XYLT2: variants seen among roughly 807,000 people sequenced by gnomAD.
XYLT2 encodes the protein UDP-D-xylose:proteoglycan core protein beta-D-xylosyltransferase.
In XYLT2, 37 loss-of-function variants were observed where a neutral mutation model predicts 82.6. That is an observed-to-expected ratio of 0.45 (90% confidence interval 0.34 to 0.59). The LOEUF (loss-of-function observed/expected upper bound fraction) is 0.59, where lower values mean the gene tolerates loss of function less well. XYLT2 is among the 20% of genes least tolerant of loss of function. The pLI, the probability that XYLT2 is intolerant of heterozygous loss-of-function variation, is 0.01. For synonymous variants in XYLT2, 474 were observed against 499.0 expected, an observed-to-expected ratio of 0.95 and a Z score of 0.67; for missense variants, 934 against 1,181.3, an observed-to-expected ratio of 0.79 and a Z score of 3.07.
In XYLT2 at chr17:50,361,148, T is replaced by G; in HGVS notation, c.*857T>G. ...AACAGAAGAAATATATCTCTATCTC[T>G]CTACTCTGGGCTCTGTGTTTTTCCT... is the stretch of plus-strand genomic sequence containing the variant. On this transcript the variant is annotated 3_prime_UTR_variant, in exon 11 of 11. Coordinates refer to ENST00000017003, the MANE Select transcript of XYLT2 (RefSeq NM_022167.4). 1.0e-6 allele frequency: 1 copy of G among 985,748 alleles called. No individual in the cohort carries two copies. Among genetic ancestry groups the G allele is most frequent in the Non-Finnish European group, 1.2e-6 (1 of 829,798 alleles). The allele number at this position is 985,748 out of a possible 1,614,324, so 61.1% of individuals were successfully genotyped here. A position where few individuals can be genotyped will look rare whatever the true frequency, so the allele number is the denominator to read the frequency against.
chr17:50,359,886 G>A (rs1054524669), intron 10 of XYLT2, 83 bp from the exon 11 acceptor site: 1 of 1,262,410 alleles, frequency 7.9e-7, no homozygotes, highest in African/African-American at 1.5e-5. Flanking sequence ...ACAGGAACTG[G>A]GGTACCCAGA....
At chr17:50,357,365 G>A in intron 9 of XYLT2, 113 bp downstream of exon 9, 1 of 1,138,880 alleles carries the variant, frequency 8.8e-7, no homozygotes, top group Non-Finnish European at 1.2e-6. Flanking sequence ...AGTCATGGCA[G>A]CCATGGTGAT....
chr17:50,357,090 C>T lies in XYLT2; in HGVS notation c.1779C>T (p.His593=), dbSNP rs754014144. ...FEPRGLPSSV[H]LYFYDDHFQG... ...CCAGGGGCTTGCCGTCCAGCGTGCA[C>T]CTGTATTTCTATGACGACCATTTCC... is the stretch of plus-strand genomic sequence containing the variant. The change falls in exon 9 of 11, where the codon CAC becomes CAT. Residue 593 remains histidine, a synonymous_variant. Coordinates refer to ENST00000017003, the MANE Select transcript of XYLT2 (RefSeq NM_022167.4). 6.2e-7 allele frequency: 1 copy of T among 1,613,172 alleles called. No individual in the cohort carries two copies. Among genetic ancestry groups the T allele is most frequent in the South Asian group, 1.1e-5 (1 of 90,944 alleles).
rs777713394 is a variant in XYLT2, at chr17:50,358,385, C to A, written c.2120C>A (p.Thr707Lys). ...VATSYDITVD[T>K]ETEVTQYKPP... is the part of the protein sequence containing the mutation. ...ACATCTTATGACATCACAGTAGATA[C>A]GGAGACTGAGGTCACGCAATACAAG... Residue 707 changes from threonine to lysine, a missense_variant, in exon 10 of 11, where the codon ACG becomes AAG. Transcript: ENST00000017003. 1.2e-6 allele frequency: 2 copies of A among 1,614,104 alleles called. No homozygotes were observed. Among genetic ancestry groups the A allele is most frequent in the Admixed American group, 1.7e-5 (1 of 60,026 alleles).
intron 1 of XYLT2, among the ~76,000 whole-genome samples, chr17:50,347,925 C>G (rs940135800): frequency 9.9e-5 from 15 of 152,228 alleles, no homozygotes; most frequent in African/African-American, 3.6e-4. Flanking sequence ...CCTCCCTTAT[C>G]CTTATCAGTA....
chr17:50,347,922 T>C (rs1912106458), intron 1 of XYLT2, among the ~76,000 whole-genome samples: 1 of 152,218 alleles, frequency 6.6e-6, no homozygotes, highest in African/African-American at 2.4e-5. Context: ...CCTCCTCCCT[T>C]ATCCTTATCA....
Position 50,346,809 on chromosome 17 carries a change from A to G in XYLT2, c.135+534A>G. ...CCTGGGACAAAGTGTGTACCCGGGA[A>G]CTGAAGGAACAGGGAGTGACGCCGA... is the stretch of plus-strand genomic sequence containing the variant. On this transcript the variant is annotated intron_variant, in intron 1 of 10. Coordinates refer to ENST00000017003, the MANE Select transcript of XYLT2 (RefSeq NM_022167.4). The surrounding 1 kb of genome is among the most constrained non-coding windows in gnomAD (Gnocchi z 5.1). 3 of 985,352 alleles carry G rather than the reference A, an allele frequency of 3.0e-6. No homozygotes were observed. Among genetic ancestry groups the G allele is most frequent in the Non-Finnish European group, 3.6e-6 (3 of 829,910 alleles). The allele number at this position is 985,352 out of a possible 1,614,324, so 61.0% of individuals were successfully genotyped here. A position where few individuals can be genotyped will look rare whatever the true frequency, so the allele number is the denominator to read the frequency against.
chr17:50,358,545 G>A lies in XYLT2; in HGVS notation c.2275+5G>A, dbSNP rs1207628714. ...GCAAACTACCTCTCAGGAAAGGTAA[G>A]CGTGCAGTTCTCAAATGAGGCCCAG... On this transcript the variant is annotated splice_donor_5th_base_variant and intron_variant, in intron 10 of 10. Coordinates refer to ENST00000017003, the MANE Select transcript of XYLT2 (RefSeq NM_022167.4). The A allele has an allele frequency of 6.2e-7, 1 of 1,608,334 alleles. No homozygotes were observed.
At chr17:50,359,896 A>T in intron 10 of XYLT2, 73 bp from the exon 11 acceptor site, 1 of 1,380,606 alleles carries the variant, frequency 7.2e-7, no homozygotes, top group East Asian at 2.5e-5. Context: ...GGGTACCCAG[A>T]CCCAACTCCT....
chr17:50,353,922 A>T lies in XYLT2; in HGVS notation c.428A>T (p.Asp143Val). 1 of 1,608,460 alleles carries T rather than the reference A, an allele frequency of 6.2e-7. No individual in the cohort carries two copies. Among genetic ancestry groups the T allele is most frequent in the Non-Finnish European group, 8.5e-7 (1 of 1,179,806 alleles). The change falls in exon 2 of 11, where the codon GAT becomes GTT. Residue 143 changes from aspartate (D) to valine (V), a missense_variant. Around this residue, in one of 3 missense-constraint regions of XYLT2, gnomAD observed 371 missense variants for 394.9 expected, o/e 0.94. Coordinates refer to ENST00000017003, the MANE Select transcript of XYLT2 (RefSeq NM_022167.4). ...GCAGCTGGCTTCCCACCACACGGAG[A>T]TACAGGGAGCGTGGAGGGCGCCCCC... Reference protein sequence around the residue: ...VGAAGFPPHGDTGSVEGAPQP... With the variant: ...VGAAGFPPHGVTGSVEGAPQP...
rs751743242 is a variant in XYLT2, at chr17:50,356,655, G to A, written c.1627G>A (p.Ala543Thr). 2.9e-5 allele frequency: 47 copies of A among 1,613,864 alleles called. No individual in the cohort carries two copies. The highest frequency in any genetic ancestry group is 1.6e-4 in the Middle Eastern group (1 of 6,084). Residue 543 changes from alanine to threonine, a missense_variant, in exon 8 of 11, where the codon GCG becomes ACG. By Grantham distance (58) the Ala-to-Thr change is moderately conservative. Around this residue, in one of 3 missense-constraint regions of XYLT2, gnomAD observed 374 missense variants for 465.6 expected, o/e 0.80. Coordinates refer to ENST00000017003, the MANE Select transcript of XYLT2 (RefSeq NM_022167.4). ...GGCCTACTGGGAGAACACCTACGAC[G>A]CGGCTGATGGCCCCAGTGGGCTCAG... ...LKAYWENTYDAADGPSGLSDV... is the reference protein window; with the variant it reads ...LKAYWENTYDTADGPSGLSDV...
At position 50,353,747 on chromosome 17, in the gene XYLT2, G is replaced by A. The variant is rs750088486; in HGVS notation, c.253G>A (p.Ala85Thr). The change falls in exon 2 of 11, where the codon GCT (alanine) becomes ACT (threonine). Residue 85 changes from alanine to threonine, a missense_variant. Ala to Thr is a moderately conservative substitution (Grantham distance 58). Around this residue, in one of 3 missense-constraint regions of XYLT2, gnomAD observed 371 missense variants for 394.9 expected, o/e 0.94. Transcript: ENST00000017003. ...AAGGCATGGGCGCTGGCGGGGCCGT[G>A]CTGAGAGCCCAGGAGTGCCCGTGGC... The part of the protein sequence containing the change: ...GRRHGRWRGR[A>T]ESPGVPVAKV... The A allele has an allele frequency of 1.3e-6, 2 of 1,558,238 alleles. No homozygotes were observed. Among genetic ancestry groups the A allele is most frequent in the African/African-American group, 1.4e-5 (1 of 73,566 alleles).
At position 50,358,186 on chromosome 17, in the gene XYLT2, C is replaced by T. The variant is rs771243717; in HGVS notation, c.1942-21C>T. Reference sequence around the variant, plus strand: ...AGGACCTTTCCCCCACACTCCTGCCCAGCTGCCTCTCTCTCTACAGGTTGG... The same window carrying T: ...AGGACCTTTCCCCCACACTCCTGCCTAGCTGCCTCTCTCTCTACAGGTTGG... On this transcript the variant is annotated intron_variant, in intron 9 of 10. Coordinates refer to ENST00000017003, the MANE Select transcript of XYLT2 (RefSeq NM_022167.4). 9 of 1,558,616 alleles carry T rather than the reference C, an allele frequency of 5.8e-6. No individual in the cohort carries two copies. The African/African-American group carries it at 8.2e-5, about 14-fold the overall frequency.
chr17:50,358,783 GC>G (rs1295383570), intron 10 of XYLT2, among the ~76,000 whole-genome samples: 1 of 152,212 alleles, frequency 6.6e-6, no homozygotes. Context: ...AAGTTCATTG[GC>G]TTTTTGTCCT....
In XYLT2 at chr17:50,361,095, G is replaced by A. The variant is rs1414378298; in HGVS notation, c.*804G>A. 3.0e-6 allele frequency: 3 copies of A among 985,810 alleles called. No individual in the cohort carries two copies. The highest frequency in any genetic ancestry group is 3.6e-6 in the Non-Finnish European group (3 of 829,966). 61.1% of individuals were successfully genotyped at this position (985,810 alleles called of 1,614,324 possible). On this transcript the variant is annotated 3_prime_UTR_variant, in exon 11 of 11. Transcript: ENST00000017003. ...AGAAGAACCTGGAGTAATTGTGCCT[G>A]AAGCTCAGCGTGAAGTCTGAAATAT...
intron 4 of XYLT2, 37 bp from the exon 5 acceptor site, chr17:50,355,464 T>C (rs545954800): frequency 2.5e-6 from 4 of 1,604,694 alleles, no homozygotes; most frequent in Non-Finnish European, 3.4e-6. Context: ...TGAGCAACTA[T>C]CTCATGTGGC....
Position 50,354,059 on chromosome 17 carries a change from G to C in XYLT2, c.565G>C (p.Val189Leu). The C allele has an allele frequency of 1.9e-6, 3 of 1,608,400 alleles. No homozygotes were observed. The highest frequency in any genetic ancestry group is 2.2e-5 in the South Asian group (2 of 91,090). The change falls in exon 2 of 11, where the codon GTG becomes CTG. Residue 189 changes from valine to leucine, a missense_variant. Coordinates refer to ENST00000017003, the MANE Select transcript of XYLT2 (RefSeq NM_022167.4). Reference protein sequence around the residue: ...KQCQQEIANVVCLHQAGSLMP... With the variant: ...KQCQQEIANVLCLHQAGSLMP... ...GTGCCAGCAGGAGATCGCCAATGTGGTGTGCCTGCACCAGGCTGGGAGCCT... is the reference window on the plus strand; with the variant it reads ...GTGCCAGCAGGAGATCGCCAATGTGCTGTGCCTGCACCAGGCTGGGAGCCT...
Position 50,357,070 on chromosome 17 carries a change from G to A in XYLT2, c.1759G>A (p.Gly587Ser). ...GTPLCRFEPRGLPSSVHLYFY... is the reference protein window; with the variant it reads ...GTPLCRFEPRSLPSSVHLYFY... The stretch of plus-strand genomic sequence containing the variant: ...CTGGCACCTTAGGTTTGAGCCCAGG[G>A]GCTTGCCGTCCAGCGTGCACCTGTA... Residue 587 changes from glycine to serine, a missense_variant, in exon 9 of 11, where the codon GGC becomes AGC. Around this residue, in one of 3 missense-constraint regions of XYLT2, gnomAD observed 374 missense variants for 465.6 expected, o/e 0.80. Transcript: ENST00000017003. 3.1e-6 allele frequency: 5 copies of A among 1,605,856 alleles called. No individual in the cohort carries two copies. Among genetic ancestry groups the A allele is most frequent in the Non-Finnish European group, 4.3e-6 (5 of 1,175,424 alleles).
chr17:50,356,286 C>G, intron 7 of XYLT2, 25 bp downstream of exon 7: 1 of 1,609,060 alleles, frequency 6.2e-7, no homozygotes, highest in African/African-American at 1.3e-5. Flanking sequence ...CCCCAAGGCC[C>G]CTGGCTAGGT....
Sources: gnomAD v4.1 joint callset for allele counts (sites outside exome capture counted in the v4.1 genomes callset) on GRCh38, gnomAD v4.1.1 for gene constraint, gnomAD v4.1.1 regional missense constraint, Gnocchi (gnomAD v3.1) non-coding constraint, MANE v1.5 for transcripts, NCBI Gene and HGNC (gene_info 2026-07-23, HGNC 2026-07-21) for gene names.